DPP6: variants seen among roughly 807,000 people sequenced by gnomAD.
The protein encoded by DPP6 is dipeptidyl peptidase like 6.
Under a neutral mutation model 122.6 loss-of-function variants are expected in DPP6, and 69 were observed. The ratio of observed to expected loss-of-function variants is 0.56; its 90% CI spans 0.46 to 0.69. DPP6 has a LOEUF of 0.69. Among genes scored for constraint, DPP6 ranks in the 30% least tolerant of loss-of-function variants. The pLI is 0.00. For missense variants in DPP6, 928 were observed against 1,116.9 expected (o/e 0.83, Z 2.41); for synonymous variants, 418 against 433.1 (o/e 0.97, Z 0.43).
chr7:153,786,468 A>G, the DPP6 span, among the ~76,000 whole-genome samples: 1 of 151,728 alleles, frequency 6.6e-6, no homozygotes, highest in Non-Finnish European at 1.5e-5. Flanking sequence ...GGCCGGGCAC[A>G]GTGGCTCACG....
At chr7:154,439,358 C>A (rs1454065108) in intron 1 of DPP6, among the ~76,000 whole-genome samples, 1 of 152,182 alleles carries the variant, frequency 6.6e-6, no homozygotes, top group African/African-American at 2.4e-5. Context: ...TACTTCATAG[C>A]CATCTTTTCA....
chr7:154,743,773 G>C (rs1424277504), intron 8 of DPP6, among the ~76,000 whole-genome samples: 1 of 151,484 alleles, frequency 6.6e-6, no homozygotes, highest in Non-Finnish European at 1.5e-5. Context: ...ATACGCAGGG[G>C]ATTGGTTCCA....
chr7:154,323,572 T>A (rs1808164558), intron 1 of DPP6, among the ~76,000 whole-genome samples: 1 of 152,214 alleles, frequency 6.6e-6, no homozygotes, highest in African/African-American at 2.4e-5. Context: ...ACCATGAGGT[T>A]TTATTGACCC....
At chr7:153,902,390 C>T (rs1008328943) in intron 1 of DPP6, among the ~76,000 whole-genome samples, 3 of 152,128 alleles carry the variant, frequency 2.0e-5, no homozygotes, top group African/African-American at 7.2e-5. Context: ...ATGTTAGGCT[C>T]CAGAAACTGG....
intron 4 of DPP6, among the ~76,000 whole-genome samples, chr7:154,546,512 A>G (rs10265724): frequency 0.45 from 68,191 of 150,974 alleles, 15,943 homozygotes; most frequent in African/African-American, 0.56. Context: ...AAAGTATTCT[A>G]TTGTTATGCT....
In DPP6 at chr7:154,393,834, ATCCAATGTTCTG is replaced by A. The variant is rs946918092; in HGVS notation, c.244-52377_244-52366del. Among the ~76,000 whole-genome samples, 15 of 152,076 alleles carry A rather than the reference ATCCAATGTTCTG, an allele frequency of 9.9e-5. 1 individual carries two copies. In the South Asian group the frequency reaches 1.0e-3, roughly 10 times the overall value. ...CCTCCCCCAATCGCTAGCAACCACCATCCAATGTTCTGTCTCCATGATTTTGACTACTCTTAA... is the reference window on the plus strand; with the variant it reads ...CCTCCCCCAATCGCTAGCAACCACCATCTCCATGATTTTGACTACTCTTAA... On this transcript the variant is annotated intron_variant, in intron 1 of 25. Coordinates refer to ENST00000377770, the MANE Select transcript of DPP6 (RefSeq NM_130797.4).
intron 1 of DPP6, among the ~76,000 whole-genome samples, chr7:154,263,676 CTTTTTAT>C (rs1215374732): frequency 1.3e-5 from 2 of 151,524 alleles, no homozygotes; most frequent in Non-Finnish European, 2.9e-5. Context: ...CTGTTATGTT[CTTTTTAT>C]TATTATTATT....
rs189451817 is a variant in DPP6, at chr7:154,040,410, C to T, written c.51+152676C>T. Among the ~76,000 whole-genome samples, 781 of 150,728 alleles carry T rather than the reference C, an allele frequency of 5.2e-3. 4 individuals are homozygous for T. Among genetic ancestry groups the T allele is most frequent in the Middle Eastern group, 0.024 (7 of 290 alleles). On this transcript the variant is annotated intron_variant, in intron 1 of 25. Coordinates refer to the DPP6 transcript ENST00000404039. ...AAATAAGTTGCAAGATAAGGCAGCA[C>T]GCTTCATGAGGCTGTTTCTCTTGCT...
At chr7:154,093,112 T>C (rs995263015) in intron 1 of DPP6, among the ~76,000 whole-genome samples, 2 of 151,236 alleles carry the variant, frequency 1.3e-5, no homozygotes, top group Admixed American at 1.3e-4. Flanking sequence ...TCACACAGCA[T>C]AACACACCAC....
intron 1 of DPP6, among the ~76,000 whole-genome samples, chr7:154,290,201 T>G (rs898576051): frequency 1.3e-5 from 2 of 152,194 alleles, no homozygotes; most frequent in African/African-American, 4.8e-5. Flanking sequence ...CAAACGTCTC[T>G]AAAGAAAATG....
chr7:154,771,174 A>G (rs1022407963), intron 9 of DPP6, among the ~76,000 whole-genome samples: 1 of 152,256 alleles, frequency 6.6e-6, no homozygotes, highest in Non-Finnish European at 1.5e-5. Flanking sequence ...TAAGGCAGAT[A>G]TATGAGGCCA....
intron 3 of DPP6, among the ~76,000 whole-genome samples, chr7:154,490,926 G>A (rs1246569022): frequency 1.3e-5 from 2 of 152,184 alleles, no homozygotes; most frequent in South Asian, 2.1e-4. Context: ...GTAAGTTGCC[G>A]AAGGAAGGAG....
intron 1 of DPP6, among the ~76,000 whole-genome samples, chr7:154,432,727 T>G (rs1312014712): frequency 6.6e-6 from 1 of 152,198 alleles, no homozygotes; most frequent in Non-Finnish European, 1.5e-5. Flanking sequence ...GAGCGTGGGT[T>G]TCAAATTTTG....
chr7:154,409,323 A>C (rs1307218050), intron 1 of DPP6, among the ~76,000 whole-genome samples: 1 of 152,166 alleles, frequency 6.6e-6, no homozygotes, highest in Non-Finnish European at 1.5e-5. Flanking sequence ...GAAAGTATAG[A>C]GGGAGAGGCC....
intron 10 of DPP6, among the ~76,000 whole-genome samples, chr7:154,783,518 G>T (rs908747093): frequency 3.9e-5 from 6 of 152,162 alleles, no homozygotes; most frequent in African/African-American, 1.4e-4. Flanking sequence ...AGCCATTCCC[G>T]CAGCACAGGA....
chr7:154,718,634 CTTTTTTTTTTTT>C (rs542191130), intron 7 of DPP6, among the ~76,000 whole-genome samples: 1 of 111,478 alleles, frequency 9.0e-6, no homozygotes, highest in Non-Finnish European at 1.7e-5. Context: ...CTTCCTCCTC[CTTTTTTTTTTTT>C]TTTTTTTTTT....
rs775525377 is a variant in DPP6 at position 154,876,034 on chromosome 7, A to C, written c.2012A>C (p.Lys671Thr). ...DGRGSGFQGTKLLHEVRRRLG... is the reference protein window; with the variant it reads ...DGRGSGFQGTTLLHEVRRRLG... ...CGTGGCAGCGGCTTCCAAGGGACCA[A>C]GCTCCTGCACGAAGTGAGGCGGCGG... is the stretch of plus-strand genomic sequence containing the variant. Residue 671 changes from lysine to threonine, a missense_variant, in exon 20 of 26, where the codon AAG (lysine) becomes ACG (threonine). Coordinates refer to ENST00000377770, the MANE Select transcript of DPP6 (RefSeq NM_130797.4). The C allele has an allele frequency of 6.2e-7, 1 of 1,612,948 alleles. No individual in the cohort carries two copies. The highest frequency in any genetic ancestry group is 1.7e-5 in the Admixed American group (1 of 59,988).
chr7:154,080,015 A>G (rs1235387397), intron 1 of DPP6, among the ~76,000 whole-genome samples: 1 of 151,196 alleles, frequency 6.6e-6, no homozygotes, highest in Non-Finnish European at 1.5e-5. Flanking sequence ...ATACAATTTG[A>G]AACTTGTGGG....
intron 5 of DPP6, among the ~76,000 whole-genome samples, chr7:154,636,221 A>G (rs1045169315): frequency 6.6e-6 from 1 of 152,196 alleles, no homozygotes; most frequent in Non-Finnish European, 1.5e-5. Context: ...TACCATAACC[A>G]TGGAAACCTG....
Sources: gnomAD v4.1 joint callset for allele counts (sites outside exome capture counted in the v4.1 genomes callset) on GRCh38, gnomAD v4.1.1 for gene constraint, MANE v1.5 for transcripts, NCBI Gene and HGNC (gene_info 2026-07-23, HGNC 2026-07-21) for gene names.